Variants in SH3PXD2A observed in about 807,000 individuals in gnomAD.
The protein encoded by SH3PXD2A is SH3 and PX domain-containing protein 2A.
A neutral mutation model predicts 115.2 loss-of-function variants in SH3PXD2A; 32 were observed. That is an observed-to-expected ratio of 0.28 (90% confidence interval 0.21 to 0.37). The LOEUF (loss-of-function observed/expected upper bound fraction) is 0.37. Ranked by LOEUF, SH3PXD2A falls within the 10% of genes least tolerant of loss-of-function variation. The pLI is 1.00. For synonymous variants in SH3PXD2A, 610 were observed against 629.1 expected, an observed-to-expected ratio of 0.97 and a Z score of 0.45; for missense variants, 1,328 against 1,498.7, an observed-to-expected ratio of 0.89 and a Z score of 1.88.
chr10:103,802,622 G>A (rs984210933), intron 1 of SH3PXD2A, among the ~76,000 whole-genome samples: 1 of 152,224 alleles, frequency 6.6e-6, no homozygotes, highest in Non-Finnish European at 1.5e-5. Flanking sequence ...ACAGCCTCAG[G>A]GCTTTTCTGT....
chr10:103,769,177 T>TGC lies in SH3PXD2A; in HGVS notation c.154-2009_154-2008insGC, dbSNP rs1168636744. 1.3e-3 allele frequency among the ~76,000 whole-genome samples: 142 copies of TGC among 112,538 alleles called. 1 individual carries two copies. The highest frequency in any genetic ancestry group is 4.0e-3 in the African/African-American group (122 of 30,146). 73.8% of individuals were successfully genotyped at this position (112,538 alleles called of 152,430 possible). A position where few individuals can be genotyped will look rare whatever the true frequency, so the allele number is the denominator to read the frequency against. ...GTGTGTGTGTGTGTGTGTGTGTGTG[T>TGC]GTGTGCGCGCGCGCGCGCATTTATT... On this transcript the variant is annotated intron_variant, in intron 2 of 14. Coordinates refer to ENST00000369774, the MANE Select transcript of SH3PXD2A (RefSeq NM_001394015.1).
In SH3PXD2A at chr10:103,599,376, T is replaced by G. The variant is rs1234636641; in HGVS notation, c.*2440A>C. The G allele has an allele frequency of 6.6e-6, 1 of 152,660 alleles. No individual in the cohort carries two copies. The highest frequency in any genetic ancestry group is 6.5e-5 in the Admixed American group (1 of 15,282). 9.5% of individuals were successfully genotyped at this position (152,660 alleles called of 1,614,324 possible). A position where few individuals can be genotyped will look rare whatever the true frequency, so the allele number is the denominator to read the frequency against. ...CAGTCCAACTGAGATGCTCTGTGCT[T>G]GGCAGACATGCTCTGCACTCCCTCC... On this transcript the variant is annotated 3_prime_UTR_variant, in exon 15 of 15. Transcript: ENST00000369774.
chr10:103,610,752 T>C (rs1321262459), intron 13 of SH3PXD2A, among the ~76,000 whole-genome samples: 2 of 152,164 alleles, frequency 1.3e-5, no homozygotes, highest in Non-Finnish European at 2.9e-5. Flanking sequence ...ATAAATCATC[T>C]CATTTCATCC....
At chr10:103,772,464 G>C (rs1200972447) in intron 2 of SH3PXD2A, among the ~76,000 whole-genome samples, 1 of 152,240 alleles carries the variant, frequency 6.6e-6, no homozygotes, top group Non-Finnish European at 1.5e-5. Flanking sequence ...CTCCAGCACG[G>C]GCCTGACTCA....
chr10:103,780,618 G>A (rs1157932298), intron 2 of SH3PXD2A, among the ~76,000 whole-genome samples: 1 of 152,182 alleles, frequency 6.6e-6, no homozygotes, highest in African/African-American at 2.4e-5. Context: ...CAGGCCCTGT[G>A]TTGCTGAGTG....
At chr10:103,615,513 TGTG>T (rs2036503200) in intron 11 of SH3PXD2A, among the ~76,000 whole-genome samples, 4 of 119,652 alleles carry the variant, frequency 3.3e-5, no homozygotes, top group Non-Finnish European at 5.9e-5. Context: ...TGTGTGTGTG[TGTG>T]TGTGTGTGTG....
chr10:103,693,016 A>G lies in SH3PXD2A; in HGVS notation c.427+12T>C. 6.2e-7 allele frequency: 1 copy of G among 1,606,056 alleles called. No homozygotes were observed. The highest frequency in any genetic ancestry group is 8.5e-7 in the Non-Finnish European group (1 of 1,175,238). ...GGAAGGCTGAAGGGAAAACGCCCGG[A>G]GGCTCCCTTACCTGATTTCCTCTTG... On this transcript the variant is annotated intron_variant, in intron 6 of 14. Coordinates refer to ENST00000369774, the MANE Select transcript of SH3PXD2A (RefSeq NM_001394015.1).
chr10:103,607,908 G>A (rs373610372), intron 13 of SH3PXD2A, among the ~76,000 whole-genome samples: 96 of 151,588 alleles, frequency 6.3e-4, no homozygotes, highest in African/African-American at 2.2e-3. Flanking sequence ...TAAATGGATT[G>A]AGGTCGGTGC....
chr10:103,679,952 G>A (rs1462911511), intron 6 of SH3PXD2A, among the ~76,000 whole-genome samples: 1 of 152,096 alleles, frequency 6.6e-6, no homozygotes, highest in African/African-American at 2.4e-5. Flanking sequence ...GTGAAGAGAT[G>A]GCCAGCTCTG....
At chr10:103,833,846 G>A (rs968213252) in intron 1 of SH3PXD2A, among the ~76,000 whole-genome samples, 11 of 152,222 alleles carry the variant, frequency 7.2e-5, no homozygotes, top group East Asian at 1.9e-4. Context: ...GGAGGACAGC[G>A]TGACCAGGAA....
intron 3 of SH3PXD2A, among the ~76,000 whole-genome samples, chr10:103,751,491 T>G (rs2038579305): frequency 6.6e-6 from 1 of 152,222 alleles, no homozygotes; most frequent in African/African-American, 2.4e-5. Context: ...GTTAAGTAAC[T>G]TTTCCAAGGC....
intron 2 of SH3PXD2A, among the ~76,000 whole-genome samples, chr10:103,767,819 T>TTTTTG (rs1564884195): frequency 6.8e-6 from 1 of 146,812 alleles, no homozygotes; most frequent in Non-Finnish European, 1.5e-5. Context: ...TGTTTTTTTT[T>TTTTTG]TTTTTTTTTT....
At chr10:103,772,505 A>C (rs545255435) in intron 2 of SH3PXD2A, among the ~76,000 whole-genome samples, 17 of 152,372 alleles carry the variant, frequency 1.1e-4, no homozygotes, top group African/African-American at 4.1e-4. Context: ...CCATCGCCAG[A>C]GTCCTGGCTG....
intron 8 of SH3PXD2A, among the ~76,000 whole-genome samples, chr10:103,658,466 G>A (rs545437784): frequency 3.0e-4 from 45 of 152,154 alleles, no homozygotes; most frequent in Admixed American, 7.9e-4. Context: ...TGCACAAGAC[G>A]CCTCCTCTCC....
intron 7 of SH3PXD2A, chr10:103,661,831 G>T (rs1053706986): frequency 5.5e-5 from 54 of 985,048 alleles, no homozygotes; most frequent in Non-Finnish European, 1.8e-5. Context: ...AGGCAGGGGA[G>T]GGGGAGGAGG....
chr10:103,672,600 T>G (rs997510481), intron 6 of SH3PXD2A, among the ~76,000 whole-genome samples: 1 of 152,266 alleles, frequency 6.6e-6, no homozygotes, highest in Non-Finnish European at 1.5e-5. Flanking sequence ...TTGGTTCTTG[T>G]GCTGGCTTTG....
chr10:103,611,652 C>T (rs780688362), intron 12 of SH3PXD2A, 22 bp from the exon 13 acceptor site: 3 of 1,609,452 alleles, frequency 1.9e-6, no homozygotes, highest in East Asian at 2.2e-5. Flanking sequence ...GACATGGCTT[C>T]AGAAATCCTA....
At chr10:103,832,759 G>A (rs907564179) in intron 1 of SH3PXD2A, among the ~76,000 whole-genome samples, 4 of 152,168 alleles carry the variant, frequency 2.6e-5, no homozygotes, top group African/African-American at 9.7e-5. Context: ...GCAGGGTGGG[G>A]GAGGGAAAGC....
chr10:103,793,086 A>G (rs2039050940), intron 2 of SH3PXD2A, among the ~76,000 whole-genome samples: 1 of 152,008 alleles, frequency 6.6e-6, no homozygotes, highest in Non-Finnish European at 1.5e-5. Context: ...AGCTCCCCCA[A>G]TAGGTGACTC....
Sources: gnomAD v4.1 joint callset for allele counts (sites outside exome capture counted in the v4.1 genomes callset) on GRCh38, gnomAD v4.1.1 for gene constraint, MANE v1.5 for transcripts, NCBI Gene and HGNC (gene_info 2026-07-23, HGNC 2026-07-21) for gene names.